Variants in CARS2 observed in about 807,000 individuals in gnomAD.
CARS2 encodes the protein probable cysteine--tRNA ligase, mitochondrial.
CARS2 carries 52 observed loss-of-function variants against 68.8 expected under a neutral mutation model. The ratio of observed to expected loss-of-function variants is 0.76; its 90% confidence interval spans 0.61 to 0.95. CARS2 has a LOEUF of 0.95. Among genes scored for constraint, CARS2 ranks in the 40% least tolerant of loss-of-function variants. The pLI, the probability that CARS2 is intolerant of heterozygous loss-of-function variation, is 0.00. For synonymous variants in CARS2, 314 were observed against 303.6 expected (o/e 1.03, Z -0.36); for missense variants, 780 against 754.2 (o/e 1.03, Z -0.40).
upstream of CARS2, chr13:110,706,190 A>C (rs557205099): frequency 2.8e-5 from 26 of 912,524 alleles, no homozygotes; most frequent in Admixed American, 1.9e-4. Context: ...CGCCCCGCCC[A>C]CGCCCTTGGG....
At chr13:110,641,694 G>A in intron 14 of CARS2, 86 bp from the exon 15 acceptor site, 1 of 1,086,348 alleles carries the variant, frequency 9.2e-7, no homozygotes, top group South Asian at 1.2e-5. Flanking sequence ...GGTTCAGGGT[G>A]CCTGTTCCCT....
upstream of CARS2, chr13:110,706,136 G>A (rs1411174258): frequency 3.2e-6 from 4 of 1,257,056 alleles, no homozygotes; most frequent in South Asian, 2.4e-5. Flanking sequence ...CGGGAGCCAC[G>A]CCGGGTACGC....
At chr13:110,684,140 C>T (rs2063231571) in intron 5 of CARS2, among the ~76,000 whole-genome samples, 1 of 152,234 alleles carries the variant, frequency 6.6e-6, no homozygotes, top group African/African-American at 2.4e-5. Flanking sequence ...AGGCAATGCT[C>T]ATCCGGGCTG....
chr13:110,695,938 C>T (rs554102658), intron 3 of CARS2, among the ~76,000 whole-genome samples: 17 of 152,090 alleles, frequency 1.1e-4, no homozygotes, highest in Admixed American at 5.9e-4. Context: ...GCCCCCCAAC[C>T]CCTGACAGGC....
intron 3 of CARS2, among the ~76,000 whole-genome samples, chr13:110,693,649 G>A (rs965163400): frequency 2.0e-5 from 3 of 152,066 alleles, no homozygotes; most frequent in African/African-American, 4.8e-5. Flanking sequence ...GTGAGCCACC[G>A]TGTCCGGCTG....
chr13:110,707,011 CCAT>C (rs1431587230), upstream of CARS2, among the ~76,000 whole-genome samples: 1 of 150,494 alleles, frequency 6.6e-6, no homozygotes, highest in African/African-American at 2.5e-5. Flanking sequence ...CCAGCACACA[CCAT>C]GTCTGCACCC....
At chr13:110,686,714 G>A (rs1160510935) in intron 5 of CARS2, among the ~76,000 whole-genome samples, 1 of 151,024 alleles carries the variant, frequency 6.6e-6, no homozygotes, top group African/African-American at 2.4e-5. Flanking sequence ...GCGATACCAG[G>A]CCTGGCTGAT....
chr13:110,644,409 AAC>A lies in CARS2; in HGVS notation c.1390_1391del (p.Val464TrpfsTer133). 6.2e-7 allele frequency: 1 copy of A among 1,614,100 alleles called. No individual in the cohort carries two copies. The highest frequency in any genetic ancestry group is 8.5e-7 in the Non-Finnish European group (1 of 1,180,008). On this transcript the variant is annotated frameshift_variant, in exon 13 of 15. Transcript: ENST00000257347. LOFTEE classifies it high-confidence loss of function. The part of the protein sequence containing the change: ...ISYFEQFFET[V>X]GISLANQQYV... ...CCTGTTGATTTGCCAGAGAAATTCC[AAC>A]AGTTTCAAAAAACTGTTCAAAGTAA...
intron 1 of CARS2, chr13:110,713,094 G>A: frequency 4.2e-6 from 6 of 1,440,684 alleles, no homozygotes; most frequent in Non-Finnish European, 4.6e-6. Context: ...CCTCCCGGAG[G>A]ACTTGGGTTT....
chr13:110,642,534 G>A lies in CARS2; in HGVS notation c.1417-13C>T, dbSNP rs1594200908. 1.2e-6 allele frequency: 2 copies of A among 1,608,856 alleles called. No homozygotes were observed. The highest frequency in any genetic ancestry group is 1.1e-5 in the South Asian group (1 of 90,148). On this transcript the variant is annotated splice_polypyrimidine_tract_variant and intron_variant, in intron 13 of 14. Transcript: ENST00000257347. The stretch of plus-strand genomic sequence containing the variant: ...CTCCTGAAACGTACTGAAGCCAGCA[G>A]GGCGCGGTTACGTCCCCCGGAGACT...
intron 10 of CARS2, chr13:110,648,905 G>C (rs2062121442): frequency 1.3e-5 from 2 of 152,350 alleles, no homozygotes; most frequent in Admixed American, 6.5e-5. Flanking sequence ...GGGCTTCCGA[G>C]GGCAAAGTGC....
intron 9 of CARS2, among the ~76,000 whole-genome samples, chr13:110,652,757 C>G (rs2062251891): frequency 6.6e-6 from 1 of 152,212 alleles, no homozygotes; most frequent in African/African-American, 2.4e-5. Context: ...GGGTGCTCAA[C>G]CTGGGGTCCA....
rs965598038 is a variant in CARS2 at position 110,676,064 on chromosome 13, G to A, written c.785+910C>T. The stretch of plus-strand genomic sequence containing the variant: ...AGCTACTCAGGAGGATGAGGCAGGA[G>A]AATCGCTTGAACCTGGGAGGCGGAG... On this transcript the variant is annotated intron_variant, in intron 7 of 14. Transcript: ENST00000257347. The surrounding 1 kb of genome is among the most constrained non-coding windows in gnomAD (Gnocchi z 4.0). 6.6e-6 allele frequency among the ~76,000 whole-genome samples: 1 copy of A among 152,244 alleles called. No homozygotes were observed. Among genetic ancestry groups the A allele is most frequent in the African/African-American group, 2.4e-5 (1 of 41,464 alleles).
At chr13:110,710,306 C>T (rs553466425), upstream of CARS2, among the ~76,000 whole-genome samples, 3 of 152,138 alleles carry the variant, frequency 2.0e-5, no homozygotes, top group East Asian at 5.8e-4. Flanking sequence ...CGCTTGAACC[C>T]GGGAGGCGGA....
chr13:110,710,303 A>C (rs1223178196), upstream of CARS2, among the ~76,000 whole-genome samples: 1 of 151,944 alleles, frequency 6.6e-6, no homozygotes, highest in Non-Finnish European at 1.5e-5. Flanking sequence ...AATCGCTTGA[A>C]CCCGGGAGGC....
At chr13:110,656,801 G>A (rs972024221) in intron 9 of CARS2, among the ~76,000 whole-genome samples, 12 of 151,840 alleles carry the variant, frequency 7.9e-5, no homozygotes, top group African/African-American at 9.7e-5. Context: ...GGAGAATGGC[G>A]TGAACCCGGA....
chr13:110,695,911 AT>A (rs1010467013), intron 3 of CARS2, among the ~76,000 whole-genome samples: 4 of 152,040 alleles, frequency 2.6e-5, no homozygotes, highest in African/African-American at 7.3e-5. Context: ...ATTTCTCCTA[AT>A]ACTATCCCTC....
chr13:110,664,547 C>T (rs893551750), intron 8 of CARS2: 1 of 928,760 alleles, frequency 1.1e-6, no homozygotes, highest in African/African-American at 1.8e-5. Context: ...ACCAACCAAC[C>T]AACCAATTAG....
chr13:110,701,064 TTC>T (rs2063770346), intron 3 of CARS2, among the ~76,000 whole-genome samples: 1 of 152,150 alleles, frequency 6.6e-6, no homozygotes, highest in Non-Finnish European at 1.5e-5. Flanking sequence ...AAGAACCACT[TTC>T]TTTTTTCTTT....
Sources: allele counts gnomAD v4.1 joint callset (sites outside exome capture counted in the v4.1 genomes callset), GRCh38; gene constraint gnomAD v4.1.1; non-coding constraint Gnocchi (gnomAD v3.1); transcripts MANE v1.5; gene names NCBI Gene and HGNC (gene_info 2026-07-23, HGNC 2026-07-21).